SCAMP1: variants seen among roughly 807,000 people sequenced by gnomAD.
The protein encoded by SCAMP1 is secretory carrier membrane protein 1.
SCAMP1 carries 15 observed loss-of-function variants against 41.8 expected under a neutral mutation model. That is an observed-to-expected ratio of 0.36 (90% CI 0.24 to 0.55). SCAMP1 has a LOEUF of 0.55. Ranked by LOEUF, SCAMP1 falls within the 20% of genes least tolerant of loss-of-function variation. The pLI is 0.86. For missense variants in SCAMP1, 341 were observed against 412.6 expected, an observed-to-expected ratio of 0.83 and a Z score of 1.50; for synonymous variants, 135 against 136.8, an observed-to-expected ratio of 0.99 and a Z score of 0.09.
At chr5:78,430,413 CTCCT>C (rs1752590308) in intron 6 of SCAMP1, among the ~76,000 whole-genome samples, 1 of 146,946 alleles carries the variant, frequency 6.8e-6, no homozygotes, top group South Asian at 2.1e-4. Flanking sequence ...CACATACACA[CTCCT>C]TCCTTCCCTT....
intron 2 of SCAMP1, among the ~76,000 whole-genome samples, chr5:78,394,711 T>C (rs547203277): frequency 1.3e-5 from 2 of 152,342 alleles, no homozygotes; most frequent in African/African-American, 4.8e-5. Context: ...GCCTTCTGCT[T>C]CTCACTGTTT....
chr5:78,366,258 C>T (rs555228511), intron 1 of SCAMP1, among the ~76,000 whole-genome samples: 172 of 152,166 alleles, frequency 1.1e-3, no homozygotes, highest in African/African-American at 4.0e-3. Context: ...ATTCCCCTAC[C>T]TCAGCCTCCC....
chr5:78,474,842 T>C (rs1206682698), intron 8 of SCAMP1, among the ~76,000 whole-genome samples: 1 of 152,226 alleles, frequency 6.6e-6, no homozygotes, highest in Non-Finnish European at 1.5e-5. Context: ...TTAAGACATA[T>C]ACTGATAGAA....
At chr5:78,436,851 C>A (rs904422635) in intron 6 of SCAMP1, among the ~76,000 whole-genome samples, 6 of 152,174 alleles carry the variant, frequency 3.9e-5, no homozygotes, top group Non-Finnish European at 5.9e-5. Context: ...TCTTCCTATA[C>A]ATGGGCATGG....
intron 6 of SCAMP1, among the ~76,000 whole-genome samples, chr5:78,427,109 G>A (rs1256367337): frequency 2.0e-5 from 3 of 152,190 alleles, no homozygotes; most frequent in African/African-American, 7.2e-5. Context: ...TTGGCTCGTG[G>A]TTCTGCAGAG....
intron 2 of SCAMP1, among the ~76,000 whole-genome samples, chr5:78,399,195 A>G (rs139243551): frequency 8.9e-4 from 136 of 152,264 alleles, no homozygotes; most frequent in African/African-American, 3.1e-3. Flanking sequence ...TGGATGTACC[A>G]CAGTTTATTT....
chr5:78,439,480 GT>G, intron 6 of SCAMP1, among the ~76,000 whole-genome samples: 1 of 152,020 alleles, frequency 6.6e-6, no homozygotes, highest in South Asian at 2.1e-4. Context: ...ATGAAGCTTA[GT>G]TTGGCTGGAT....
intron 6 of SCAMP1, among the ~76,000 whole-genome samples, chr5:78,434,639 A>G (rs1478102255): frequency 6.6e-6 from 1 of 151,886 alleles, no homozygotes; most frequent in Admixed American, 6.6e-5. Context: ...AAATTTTTTA[A>G]CATTTTGTTT....
intron 7 of SCAMP1, among the ~76,000 whole-genome samples, chr5:78,458,814 A>C (rs545332781): frequency 1.3e-5 from 2 of 152,302 alleles, no homozygotes; most frequent in South Asian, 4.1e-4. Flanking sequence ...CAGGAGGCGG[A>C]GATTACAATG....
In SCAMP1 at chr5:78,480,379, CTAGT is replaced by C. The variant is rs1754113630; in HGVS notation, c.*4714_*4717del. 6.6e-6 allele frequency among the ~76,000 whole-genome samples: 1 copy of C among 152,144 alleles called. No homozygotes were observed. The highest frequency in any genetic ancestry group is 6.5e-5 in the Admixed American group (1 of 15,274). ...ACCATACAAGTTTTATTTTTAAATT[CTAGT>C]TATTTTCAGTGCTTACTTAAATGTA... On this transcript the variant is annotated 3_prime_UTR_variant, in exon 9 of 9. Coordinates refer to ENST00000621999, the MANE Select transcript of SCAMP1 (RefSeq NM_004866.6).
intron 2 of SCAMP1, among the ~76,000 whole-genome samples, chr5:78,390,010 T>C (rs13359344): frequency 0.37 from 56,438 of 152,026 alleles, 12,611 homozygotes; most frequent in Non-Finnish European, 0.5. Context: ...ACCCCCAGTT[T>C]ATAGAAAGTT....
chr5:78,417,848 G>A (rs979882667), intron 4 of SCAMP1, among the ~76,000 whole-genome samples: 11 of 152,264 alleles, frequency 7.2e-5, no homozygotes, highest in African/African-American at 2.6e-4. Flanking sequence ...ATGGAACACA[G>A]GAGACTCATT....
intron 2 of SCAMP1, among the ~76,000 whole-genome samples, chr5:78,410,319 C>A (rs910624362): frequency 6.6e-6 from 1 of 151,920 alleles, no homozygotes; most frequent in Non-Finnish European, 1.5e-5. Context: ...TCCCGACAGG[C>A]CCCAGTGTGT....
chr5:78,443,894 C>T (rs981181865), intron 6 of SCAMP1, among the ~76,000 whole-genome samples: 13 of 151,948 alleles, frequency 8.6e-5, no homozygotes, highest in African/African-American at 2.2e-4. Flanking sequence ...TGAGCTCAAG[C>T]GAACCTCCCA....
At chr5:78,416,517 C>G in intron 3 of SCAMP1, 24 bp from the exon 4 acceptor site, 1 of 1,514,840 alleles carries the variant, frequency 6.6e-7, no homozygotes, top group Non-Finnish European at 9.0e-7. Flanking sequence ...ACAGTCTATT[C>G]ACATATTGAT....
rs774787481 is a variant in SCAMP1, at chr5:78,479,817, C to T, written c.*4149C>T. 9.9e-5 allele frequency among the ~76,000 whole-genome samples: 15 copies of T among 151,802 alleles called. No homozygotes were observed. Among genetic ancestry groups the T allele is most frequent in the East Asian group, 1.9e-4 (1 of 5,180 alleles). On this transcript the variant is annotated 3_prime_UTR_variant, in exon 9 of 9. Transcript: ENST00000621999. ...CAGCACTTTGGGAGGCCAAGGTGGG[C>T]GGATCACGAGGTCAGGAGATCGAAA...
At chr5:78,445,118 G>A (rs1173188594) in intron 6 of SCAMP1, among the ~76,000 whole-genome samples, 1 of 152,122 alleles carries the variant, frequency 6.6e-6, no homozygotes, top group Non-Finnish European at 1.5e-5. Context: ...CCCAGCAAAT[G>A]GTAGTTGTAA....
intron 1 of SCAMP1, among the ~76,000 whole-genome samples, chr5:78,387,311 GT>G (rs1055738414): frequency 1.9e-4 from 27 of 141,240 alleles, no homozygotes; most frequent in African/African-American, 7.0e-4. Context: ...AGTTGCGATT[GT>G]TTTTTATTTA....
At chr5:78,396,391 G>T (rs1751652478) in intron 2 of SCAMP1, among the ~76,000 whole-genome samples, 1 of 152,164 alleles carries the variant, frequency 6.6e-6, no homozygotes, top group Non-Finnish European at 1.5e-5. Context: ...TTTCCATCTT[G>T]CTGTGAACCT....
Sources: allele counts gnomAD v4.1 joint callset (sites outside exome capture counted in the v4.1 genomes callset), GRCh38; gene constraint gnomAD v4.1.1; transcripts MANE v1.5; gene names NCBI Gene and HGNC (gene_info 2026-07-23, HGNC 2026-07-21).